TUB: variants seen among roughly 807,000 people sequenced by gnomAD.
The protein encoded by TUB is TUB bipartite transcription factor, also known as tubby protein homolog.
Under a neutral mutation model 59.7 loss-of-function variants are expected in TUB, and 33 were observed. The ratio of observed to expected loss-of-function variants is 0.55; its 90% CI spans 0.42 to 0.74. The LOEUF (loss-of-function observed/expected upper bound fraction) is 0.74. Ranked by LOEUF, TUB falls within the 30% of genes least tolerant of loss-of-function variation. TUB has a pLI of 0.00. For missense variants in TUB, 659 were observed against 672.0 expected (o/e 0.98, Z 0.21); for synonymous variants, 293 against 256.4 (o/e 1.14, Z -1.36).
At position 8,104,173 on chromosome 11, in the gene TUB, C is replaced by T. The variant is rs1401034732; in HGVS notation, c.*2554C>T. ...CTCTCCCACAATAAGAGTTCTTGCC[C>T]TTCATACCCTCTACCTGGATGGATG... On this transcript the variant is annotated 3_prime_UTR_variant, in exon 12 of 12. Transcript: ENST00000299506. 1 of 152,316 alleles carries T rather than the reference C, an allele frequency of 6.6e-6. No individual in the cohort carries two copies. The highest frequency in any genetic ancestry group is 1.5e-5 in the Non-Finnish European group (1 of 68,124). 9.4% of individuals were successfully genotyped at this position (152,316 alleles called of 1,614,324 possible).
rs139734163 is a variant in TUB, at chr11:8,094,145, G to A, written c.353G>A (p.Gly118Asp). ...ACCAAGGCGGCAGCTACAGCAGGGG[G>A]CCAGGGTGGCGCCGCTAGGAAGGAG... The part of the protein sequence containing the change: ...KRTKAAATAG[G>D]QGGAARKEKK... Residue 118 changes from glycine to aspartate, a missense_variant, in exon 4 of 12, where the codon GGC becomes GAC. Gly to Asp is a moderately conservative substitution (Grantham distance 94). Transcript: ENST00000299506. 100 of 1,614,076 alleles carry A rather than the reference G, an allele frequency of 6.2e-5. No individual in the cohort carries two copies. In the East Asian group the frequency reaches 1.6e-3, roughly 26 times the overall value.
chr11:8,095,538 G>C lies in TUB; in HGVS notation c.438G>C (p.Glu146Asp). The part of the protein sequence containing the change: ...GPAALAEDKS[E>D]AQGPVQILTV... ...CAGCACTGGCAGAAGACAAGTCTGA[G>C]GCCCAAGGCCCAGTGCAGATTCTGA... The change falls in exon 5 of 12, where the codon GAG becomes GAC. Residue 146 changes from glutamate (E) to aspartate (D), a missense_variant. Physicochemically the swap from Glu to Asp is conservative, Grantham distance 45 (BLOSUM62 2). This residue lies in a region of TUB where 321 missense variants were observed against 304.3 expected (regional missense o/e 1.05). Transcript: ENST00000299506. 6.2e-7 allele frequency: 1 copy of C among 1,613,060 alleles called. No homozygotes were observed. Among genetic ancestry groups the C allele is most frequent in the Non-Finnish European group, 8.5e-7 (1 of 1,179,932 alleles).
Position 8,091,145 on chromosome 11 carries a change from G to A in TUB, c.253+914G>A, listed in dbSNP as rs369199787. 3.3e-5 allele frequency among the ~76,000 whole-genome samples: 5 copies of A among 152,266 alleles called. No individual in the cohort carries two copies. In the East Asian group the frequency reaches 7.7e-4, roughly 24 times the overall value. ...AACTACTGGTAGTTGCCTCACCTCA[G>A]GGCTGAGCTTCTTCATCTAACTGCT... On this transcript the variant is annotated intron_variant, in intron 3 of 11. Coordinates refer to ENST00000299506, the MANE Select transcript of TUB (RefSeq NM_177972.3).
intron 10 of TUB, 51 bp from the exon 11 acceptor site, chr11:8,100,775 G>A: frequency 3.1e-6 from 5 of 1,604,576 alleles, no homozygotes; most frequent in Non-Finnish European, 4.3e-6. Context: ...TTTCTGGGGT[G>A]GTCATGGTGC....
At chr11:8,032,366 T>A (rs531032829) in intron 1 of TUB, among the ~76,000 whole-genome samples, 1 of 152,322 alleles carries the variant, frequency 6.6e-6, no homozygotes, top group South Asian at 2.1e-4. Context: ...GGGATGAAGT[T>A]ATTACTGCAC....
In TUB at chr11:8,100,375, G is replaced by C; in HGVS notation, c.1117-128G>C. 3 of 732,724 alleles carry C rather than the reference G, an allele frequency of 4.1e-6. No individual in the cohort carries two copies. In the Admixed American group the frequency reaches 6.3e-5, roughly 15 times the overall value. The allele number at this position is 732,724 out of a possible 1,614,324, so 45.4% of individuals were successfully genotyped here. On this transcript the variant is annotated intron_variant, in intron 9 of 11. Transcript: ENST00000299506. ...CAGTTCTGGCCGTGTTAGGTTTAGAGGGATGTGTGTTAGACTTCGGAGTGG... is the reference window on the plus strand; with the variant it reads ...CAGTTCTGGCCGTGTTAGGTTTAGACGGATGTGTGTTAGACTTCGGAGTGG...
chr11:8,101,779 TTGCCTCTGC>T lies in TUB; in HGVS notation c.*162_*170del. ...CCCAGCCAGCCAGGAACTGGCTCCTTTGCCTCTGCTACTGAGGCAGGGGAGTAGTGGAGA... is the reference window on the plus strand; with the variant it reads ...CCCAGCCAGCCAGGAACTGGCTCCTTTACTGAGGCAGGGGAGTAGTGGAGA... On this transcript the variant is annotated 3_prime_UTR_variant, in exon 12 of 12. Coordinates refer to ENST00000299506, the MANE Select transcript of TUB (RefSeq NM_177972.3). The T allele has an allele frequency of 7.6e-7, 1 of 1,313,950 alleles. No individual in the cohort carries two copies. The highest frequency in any genetic ancestry group is 2.7e-4 in the Middle Eastern group (1 of 3,642). The allele number at this position is 1,313,950 out of a possible 1,614,324, so 81.4% of individuals were successfully genotyped here. A position where few individuals can be genotyped will look rare whatever the true frequency, so the allele number is the denominator to read the frequency against.
intron 2 of TUB, among the ~76,000 whole-genome samples, chr11:8,051,604 G>A (rs373621493): frequency 5.9e-5 from 9 of 151,990 alleles, no homozygotes; most frequent in African/African-American, 1.2e-4. Flanking sequence ...CACTCTCTCC[G>A]CACAGTATCT....
chr11:8,048,163 T>C (rs954671278), intron 2 of TUB, among the ~76,000 whole-genome samples: 2 of 152,226 alleles, frequency 1.3e-5, no homozygotes, highest in African/African-American at 4.8e-5. Flanking sequence ...ACACATTAAC[T>C]CATTTCATAG....
At chr11:8,079,708 G>T, upstream of TUB, among the ~76,000 whole-genome samples, 1 of 152,066 alleles carries the variant, frequency 6.6e-6, no homozygotes, top group Admixed American at 6.6e-5. Flanking sequence ...GTGCATGTGT[G>T]TAGGGGTGTG....
chr11:8,039,903 T>C (rs1564899321), intron 2 of TUB, among the ~76,000 whole-genome samples: 1 of 152,206 alleles, frequency 6.6e-6, no homozygotes, highest in Non-Finnish European at 1.5e-5. Flanking sequence ...CTTGGGTTTG[T>C]CCCTCTTGGA....
chr11:8,066,011 A>G (rs4758277), intron 2 of TUB, among the ~76,000 whole-genome samples: 93,302 of 151,854 alleles, frequency 0.61, 29,126 homozygotes, highest in African/African-American at 0.74. Context: ...CCAGCCTGGG[A>G]TTGGTCAGAC....
chr11:8,052,632 G>A (rs10839970), intron 2 of TUB, among the ~76,000 whole-genome samples: 64,197 of 151,750 alleles, frequency 0.42, 15,673 homozygotes, highest in Middle Eastern at 0.6. Flanking sequence ...ACCACGCCCT[G>A]CTAATTTTTT....
At chr11:8,089,120 T>C (rs937412234) in intron 1 of TUB, among the ~76,000 whole-genome samples, 1 of 152,134 alleles carries the variant, frequency 6.6e-6, no homozygotes, top group Non-Finnish European at 1.5e-5. Flanking sequence ...GGAGTTTGCT[T>C]TCAACGGATG....
intron 2 of TUB, among the ~76,000 whole-genome samples, chr11:8,048,095 A>G (rs1285366770): frequency 6.6e-6 from 1 of 152,186 alleles, no homozygotes; most frequent in Non-Finnish European, 1.5e-5. Flanking sequence ...TTTCAAATGA[A>G]TAATAATAGC....
At chr11:8,038,704 T>C (rs1589925679) in exon 1 of TUB, 3 of 1,464,852 alleles carry the variant, frequency 2.0e-6, no homozygotes, top group South Asian at 2.9e-5. Context: ...ATGTCCTAAT[T>C]AATGGGTGAT....
At chr11:8,055,212 C>T (rs750184977) in intron 2 of TUB, among the ~76,000 whole-genome samples, 1 of 152,014 alleles carries the variant, frequency 6.6e-6, no homozygotes, top group Non-Finnish European at 1.5e-5. Context: ...TCTGGAGTGG[C>T]CTGTGTGTGT....
intron 11 of TUB, 57 bp downstream of exon 11, chr11:8,101,054 TAGGGTTC>T (rs1944275665): frequency 1.2e-6 from 2 of 1,600,812 alleles, no homozygotes; most frequent in Non-Finnish European, 1.7e-6. Flanking sequence ...GCCCTTAGCG[TAGGGTTC>T]AGCCCACCTA....
intron 2 of TUB, among the ~76,000 whole-genome samples, chr11:8,064,993 G>C (rs1039177752): frequency 1.3e-5 from 2 of 152,244 alleles, no homozygotes; most frequent in Admixed American, 1.3e-4. Flanking sequence ...AGTCCCAGGG[G>C]CCTCTCCATG....
Sources: gnomAD v4.1 joint callset for allele counts (sites outside exome capture counted in the v4.1 genomes callset) on GRCh38, gnomAD v4.1.1 for gene constraint, gnomAD v4.1.1 regional missense constraint, MANE v1.5 for transcripts, NCBI Gene and HGNC (gene_info 2026-07-23, HGNC 2026-07-21) for gene names.